The following CNTN1 variants were observed in gnomAD, a reference collection of about 807,000 sequenced individuals.
The protein encoded by CNTN1 is contactin-1.
CNTN1 carries 38 observed loss-of-function variants against 126.4 expected under a neutral mutation model. The ratio of observed to expected loss-of-function variants is 0.30; its 90% confidence interval spans 0.23 to 0.39. The LOEUF is 0.39. CNTN1 is among the 10% of genes least tolerant of loss of function. CNTN1 has a pLI of 1.00. For missense variants in CNTN1, 1,009 were observed against 1,248.4 expected, an observed-to-expected ratio of 0.81 and a Z score of 2.89; for synonymous variants, 413 against 422.6, an observed-to-expected ratio of 0.98 and a Z score of 0.28.
chr12:40,849,479 C>T (rs974993777), intron 1 of CNTN1, among the ~76,000 whole-genome samples: 3 of 152,054 alleles, frequency 2.0e-5, no homozygotes, highest in Admixed American at 2.0e-4. Context: ...GCAAAACTGA[C>T]TCATAATTAT....
chr12:41,063,505 T>G (rs1050952654), intron 23 of CNTN1, among the ~76,000 whole-genome samples: 3 of 152,224 alleles, frequency 2.0e-5, no homozygotes, highest in African/African-American at 7.2e-5. Context: ...ACTTTTTAGA[T>G]GAGAGTAGTC....
chr12:41,070,039 T>G lies in CNTN1; in HGVS notation c.*4T>G, dbSNP rs768202755. The G allele has an allele frequency of 1.9e-6, 3 of 1,613,474 alleles. No homozygotes were observed. The highest frequency in any genetic ancestry group is 2.5e-6 in the Non-Finnish European group (3 of 1,179,604). ...CCTTGTCTACTTGGAATTCTGAATG[T>G]GTTGTGACAGCTGCTGTTCCCATCC... On this transcript the variant is annotated 3_prime_UTR_variant, in exon 24 of 24. Coordinates refer to ENST00000551295, the MANE Select transcript of CNTN1 (RefSeq NM_001843.4).
At chr12:40,743,919 G>A (rs1938055756) in intron 1 of CNTN1, among the ~76,000 whole-genome samples, 1 of 151,910 alleles carries the variant, frequency 6.6e-6, no homozygotes, top group African/African-American at 2.4e-5. Context: ...TACAGTTTTG[G>A]GTTTCACATA....
At chr12:40,823,774 C>A (rs1941524450) in intron 1 of CNTN1, among the ~76,000 whole-genome samples, 1 of 152,136 alleles carries the variant, frequency 6.6e-6, no homozygotes, top group Admixed American at 6.6e-5. Context: ...CAACTACAGA[C>A]TCATTATCCA....
intron 1 of CNTN1, among the ~76,000 whole-genome samples, chr12:40,779,544 T>G (rs1939712193): frequency 6.6e-6 from 1 of 151,840 alleles, no homozygotes; most frequent in South Asian, 2.1e-4. Context: ...TAAACATCAG[T>G]GGCCAGGGAT....
At chr12:40,993,040 A>G in intron 16 of CNTN1, 80 bp from the exon 17 acceptor site, 4 of 1,307,186 alleles carry the variant, frequency 3.1e-6, no homozygotes, top group Non-Finnish European at 4.4e-6. Context: ...TTCTCCCTGA[A>G]ATAGTAAAAT....
chr12:40,827,535 C>T (rs1337255734), intron 1 of CNTN1, among the ~76,000 whole-genome samples: 1 of 152,056 alleles, frequency 6.6e-6, no homozygotes, highest in African/African-American at 2.4e-5. Context: ...TAGCGAAAAG[C>T]CAATTCCTTA....
chr12:40,979,995 A>T lies in CNTN1; in HGVS notation c.1805-914A>T, dbSNP rs568246138. Among the ~76,000 whole-genome samples, 580 of 152,258 alleles carry T rather than the reference A, an allele frequency of 3.8e-3. 3 individuals are homozygous for T. The highest frequency in any genetic ancestry group is 0.013 in the African/African-American group (543 of 41,554). ...CTGAATTGACAATTATTTTCTATAT[A>T]TTATATAAGTAGAAACATTTTTAAT... On this transcript the variant is annotated intron_variant, in intron 15 of 23. Coordinates refer to ENST00000551295, the MANE Select transcript of CNTN1 (RefSeq NM_001843.4).
At chr12:40,977,749 A>C (rs1465743766) in intron 15 of CNTN1, among the ~76,000 whole-genome samples, 1 of 151,656 alleles carries the variant, frequency 6.6e-6, no homozygotes, top group African/African-American at 2.4e-5. Flanking sequence ...ACATTATTTC[A>C]GTCCTAACAA....
At chr12:40,809,136 T>A (rs1406314768) in intron 1 of CNTN1, among the ~76,000 whole-genome samples, 2 of 152,218 alleles carry the variant, frequency 1.3e-5, no homozygotes, top group African/African-American at 4.8e-5. Context: ...TAACACTTTG[T>A]TCAGAAAGAT....
At chr12:40,925,143 G>A (rs954127236) in intron 6 of CNTN1, among the ~76,000 whole-genome samples, 1 of 151,518 alleles carries the variant, frequency 6.6e-6, no homozygotes, top group African/African-American at 2.4e-5. Flanking sequence ...TATAAATGGG[G>A]CTAAATTAAG....
At chr12:40,710,931 A>T (rs1358663959) in intron 1 of CNTN1, among the ~76,000 whole-genome samples, 1 of 152,148 alleles carries the variant, frequency 6.6e-6, no homozygotes, top group African/African-American at 2.4e-5. Flanking sequence ...CTACTTTTGA[A>T]TTTTAAATTC....
At chr12:40,988,205 G>A (rs1390746264) in intron 16 of CNTN1, among the ~76,000 whole-genome samples, 1 of 152,142 alleles carries the variant, frequency 6.6e-6, no homozygotes, top group Non-Finnish European at 1.5e-5. Context: ...GAACCAGTGA[G>A]AAGCCTTTAA....
chr12:40,784,919 T>A (rs10748155), intron 1 of CNTN1, among the ~76,000 whole-genome samples: 146,491 of 152,194 alleles, frequency 0.96, 70,740 homozygotes, highest in East Asian at 1. Context: ...GATACTTTTG[T>A]GTGGTTACAG....
intron 23 of CNTN1, among the ~76,000 whole-genome samples, chr12:41,060,637 T>C (rs530391559): frequency 6.6e-6 from 1 of 152,180 alleles, no homozygotes; most frequent in Non-Finnish European, 1.5e-5. Flanking sequence ...GTCAAATAGC[T>C]ATTTCCAAAG....
chr12:40,787,029 A>C (rs1940048782), intron 1 of CNTN1, among the ~76,000 whole-genome samples: 1 of 152,114 alleles, frequency 6.6e-6, no homozygotes, highest in Admixed American at 6.6e-5. Context: ...GCTCACTATG[A>C]TGTTCGTTAT....
intron 17 of CNTN1, among the ~76,000 whole-genome samples, chr12:41,002,809 G>A (rs1252223063): frequency 5.3e-5 from 8 of 151,978 alleles, no homozygotes; most frequent in South Asian, 2.1e-4. Context: ...CGCCTGCCTC[G>A]GCCTCCCAAA....
intron 1 of CNTN1, among the ~76,000 whole-genome samples, chr12:40,821,181 A>G (rs560202578): frequency 4.6e-5 from 7 of 152,348 alleles, no homozygotes; most frequent in Admixed American, 6.5e-5. Context: ...TTATTTTTCA[A>G]ATATTTAAAT....
chr12:40,839,558 C>A lies in CNTN1; in HGVS notation c.-76-68799C>A, dbSNP rs1163712808. ...AATATCTAGTCATCTATAAAGGGAA[C>A]CCCATTAGATTAAAAGCAGATTTGT... On this transcript the variant is annotated intron_variant, in intron 1 of 23. Transcript: ENST00000551295. Among the ~76,000 whole-genome samples the A allele has an allele frequency of 2.0e-5, 3 of 152,174 alleles. No individual in the cohort carries two copies. The East Asian group carries it at 5.8e-4, about 29-fold the overall frequency.
Sources: allele counts gnomAD v4.1 joint callset (sites outside exome capture counted in the v4.1 genomes callset), GRCh38; gene constraint gnomAD v4.1.1; transcripts MANE v1.5; gene names NCBI Gene and HGNC (gene_info 2026-07-23, HGNC 2026-07-21).